STAG1: variants seen among roughly 807,000 people sequenced by gnomAD.
The protein encoded by STAG1 is cohesin subunit SA-1.
Under a neutral mutation model 170.9 loss-of-function variants are expected in STAG1, and 26 were observed. The observed-to-expected ratio is 0.15, with a 90% CI of 0.11 to 0.21. The LOEUF is 0.21. Among genes scored for constraint, STAG1 ranks in the 10% least tolerant of loss-of-function variants. STAG1 has a pLI of 1.00. For missense variants in STAG1, 964 were observed against 1,509.5 expected, an observed-to-expected ratio of 0.64 and a Z score of 5.99; for synonymous variants, 514 against 497.7, an observed-to-expected ratio of 1.03 and a Z score of -0.44.
intron 4 of STAG1, among the ~76,000 whole-genome samples, chr3:136,594,756 G>T (rs866078788): frequency 1.3e-5 from 2 of 152,108 alleles, no homozygotes; most frequent in South Asian, 2.1e-4. Context: ...AATTTTTGTT[G>T]AATGAATAAA....
At chr3:136,531,172 C>T (rs1489797931) in intron 6 of STAG1, among the ~76,000 whole-genome samples, 2 of 151,616 alleles carry the variant, frequency 1.3e-5, no homozygotes, top group Non-Finnish European at 2.9e-5. Context: ...CTCATCATCA[C>T]TGGCCATCAG....
chr3:136,427,655 T>C (rs2088170707), intron 16 of STAG1, among the ~76,000 whole-genome samples: 1 of 149,492 alleles, frequency 6.7e-6, no homozygotes, highest in Non-Finnish European at 1.5e-5. Context: ...ATAAGGACCA[T>C]TGTAAAAAAA....
At chr3:136,550,004 CT>C (rs915584532) in intron 5 of STAG1, among the ~76,000 whole-genome samples, 27 of 152,204 alleles carry the variant, frequency 1.8e-4, no homozygotes, top group African/African-American at 6.5e-4. Flanking sequence ...GAATAATATG[CT>C]GTTAAATTTG....
chr3:136,717,378 T>A (rs918398189), intron 1 of STAG1, among the ~76,000 whole-genome samples: 1 of 152,182 alleles, frequency 6.6e-6, no homozygotes, highest in African/African-American at 2.4e-5. Flanking sequence ...CTAAATAATA[T>A]GGAGGTCGGG....
intron 1 of STAG1, among the ~76,000 whole-genome samples, chr3:136,649,754 G>A (rs1252538434): frequency 6.7e-6 from 1 of 148,502 alleles, no homozygotes; most frequent in Non-Finnish European, 1.5e-5. Flanking sequence ...CGTTTCCGTA[G>A]CAAAAAAAAA....
intron 20 of STAG1, among the ~76,000 whole-genome samples, chr3:136,419,605 C>T (rs564799109): frequency 1.3e-5 from 2 of 149,202 alleles, no homozygotes; most frequent in African/African-American, 2.4e-5. Context: ...CCACCATGCC[C>T]GGCTAATTTT....
intron 1 of STAG1, among the ~76,000 whole-genome samples, chr3:136,682,663 G>A (rs899260721): frequency 2.0e-5 from 3 of 151,742 alleles, no homozygotes; most frequent in Admixed American, 6.6e-5. Context: ...AAAATACCTC[G>A]GAATAAACTT....
intron 22 of STAG1, among the ~76,000 whole-genome samples, chr3:136,390,286 T>C (rs1198527561): frequency 6.6e-6 from 1 of 152,250 alleles, no homozygotes; most frequent in East Asian, 1.9e-4. Flanking sequence ...TATTTATTTC[T>C]GGTTTTCAGA....
chr3:136,443,146 T>C, intron 15 of STAG1, 141 bp downstream of exon 15: 2 of 508,736 alleles, frequency 3.9e-6, no homozygotes, highest in Non-Finnish European at 6.8e-6. Context: ...TCCTTACTTG[T>C]TACAGAAAAC....
chr3:136,667,675 T>C (rs1941835484), intron 1 of STAG1, among the ~76,000 whole-genome samples: 1 of 152,080 alleles, frequency 6.6e-6, no homozygotes, highest in African/African-American at 2.4e-5. Context: ...TTTATATTTT[T>C]AGTAGAGACA....
At chr3:136,558,593 A>G (rs1377322767) in intron 5 of STAG1, among the ~76,000 whole-genome samples, 1 of 152,352 alleles carries the variant, frequency 6.6e-6, no homozygotes, top group East Asian at 1.9e-4. Context: ...ATCCTACTCA[A>G]CAACATAAAA....
intron 1 of STAG1, among the ~76,000 whole-genome samples, chr3:136,652,286 T>A (rs1941245365): frequency 6.6e-6 from 1 of 152,172 alleles, no homozygotes; most frequent in South Asian, 2.1e-4. Flanking sequence ...TGTAGAAAAA[T>A]TCTCAATATA....
intron 14 of STAG1, among the ~76,000 whole-genome samples, chr3:136,445,918 A>G (rs1576472541): frequency 6.6e-6 from 1 of 152,212 alleles, no homozygotes. Flanking sequence ...GCATAAAGCT[A>G]TTCTTCATTT....
intron 1 of STAG1, among the ~76,000 whole-genome samples, chr3:136,739,198 T>G (rs1002106903): frequency 2.0e-5 from 3 of 152,116 alleles, no homozygotes; most frequent in African/African-American, 7.2e-5. Context: ...TACTAGCTGT[T>G]TGGCCTTGGG....
chr3:136,743,741 C>T (rs1399731270), intron 1 of STAG1, among the ~76,000 whole-genome samples: 1 of 152,012 alleles, frequency 6.6e-6, no homozygotes, highest in East Asian at 1.9e-4. Flanking sequence ...TTTTATGAAG[C>T]CATCATAACC....
intron 6 of STAG1, among the ~76,000 whole-genome samples, chr3:136,524,956 T>C (rs1344465838): frequency 1.3e-5 from 2 of 152,202 alleles, no homozygotes; most frequent in Non-Finnish European, 2.9e-5. Flanking sequence ...CACTTGATCA[T>C]GGTGGATGAA....
At chr3:136,731,837 C>G (rs1934060657) in intron 1 of STAG1, among the ~76,000 whole-genome samples, 1 of 152,156 alleles carries the variant, frequency 6.6e-6, no homozygotes, top group Non-Finnish European at 1.5e-5. Flanking sequence ...TAAGTGCTAT[C>G]TAAATATCAA....
chr3:136,519,168 T>A (rs994787288), intron 7 of STAG1, among the ~76,000 whole-genome samples: 2 of 152,054 alleles, frequency 1.3e-5, no homozygotes, highest in Non-Finnish European at 2.9e-5. Context: ...AATAAAACAA[T>A]GTTTTAAGAG....
intron 1 of STAG1, among the ~76,000 whole-genome samples, chr3:136,646,507 T>G (rs1030303626): frequency 6.6e-6 from 1 of 152,242 alleles, no homozygotes; most frequent in Non-Finnish European, 1.5e-5. Context: ...TATCCTTCAA[T>G]ACTATCTCAG....
Sources: gnomAD v4.1 joint callset for allele counts (sites outside exome capture counted in the v4.1 genomes callset) on GRCh38, gnomAD v4.1.1 for gene constraint, MANE v1.5 for transcripts, NCBI Gene and HGNC (gene_info 2026-07-23, HGNC 2026-07-21) for gene names.